SCLT1: variants seen among roughly 807,000 people sequenced by gnomAD.
SCLT1 encodes the protein sodium channel-associated protein 1.
A neutral mutation model predicts 112.8 loss-of-function variants in SCLT1; 78 were observed. The ratio of observed to expected loss-of-function variants is 0.69; its 90% CI spans 0.58 to 0.83. SCLT1 has a LOEUF of 0.83. Ranked by LOEUF, SCLT1 falls within the 40% of genes least tolerant of loss-of-function variation. SCLT1 has a pLI of 0.00. For missense variants in SCLT1, 747 were observed against 770.4 expected, an observed-to-expected ratio of 0.97 and a Z score of 0.36; for synonymous variants, 257 against 254.7, an observed-to-expected ratio of 1.01 and a Z score of -0.09.
intron 9 of SCLT1, among the ~76,000 whole-genome samples, chr4:128,980,493 A>C (rs2126050302): frequency 1.3e-5 from 2 of 152,340 alleles, no homozygotes; most frequent in Middle Eastern, 6.8e-3. Context: ...AATACTAAGA[A>C]TTGCATTCCT....
chr4:128,948,763 C>G (rs1166150058), intron 14 of SCLT1, among the ~76,000 whole-genome samples, 193 bp from the exon 15 acceptor site: 1 of 152,160 alleles, frequency 6.6e-6, no homozygotes, highest in African/African-American at 2.4e-5. Flanking sequence ...TTGCCTCCAG[C>G]AGTAGGATGC....
At chr4:128,883,157 C>CAAAA (rs34993678), downstream of SCLT1, among the ~76,000 whole-genome samples, 1,398 of 56,854 alleles carry the variant, frequency 0.025, 1 homozygote, top group Non-Finnish European at 0.031. Context: ...ACAACAACAA[C>CAAAA]AAAAAAAAAA....
At chr4:129,012,761 C>A (rs764822958) in intron 5 of SCLT1, among the ~76,000 whole-genome samples, 1 of 147,696 alleles carries the variant, frequency 6.8e-6, no homozygotes, top group Admixed American at 6.9e-5. Flanking sequence ...TGAATTGAAC[C>A]TTTTACCATT....
chr4:128,989,495 T>C (rs1254684715), intron 9 of SCLT1, among the ~76,000 whole-genome samples: 6 of 151,734 alleles, frequency 4.0e-5, no homozygotes, highest in Non-Finnish European at 7.4e-5. Context: ...GTGAAGTTTA[T>C]AGCAATAGAT....
chr4:129,070,189 T>C (rs1013816673), intron 2 of SCLT1, among the ~76,000 whole-genome samples: 10 of 152,188 alleles, frequency 6.6e-5, no homozygotes, highest in African/African-American at 2.4e-4. Context: ...AGTATCTATG[T>C]TTATCAAGGA....
At chr4:128,898,164 C>T (rs1392521581) in intron 18 of SCLT1, among the ~76,000 whole-genome samples, 7 of 151,842 alleles carry the variant, frequency 4.6e-5, no homozygotes, top group African/African-American at 1.7e-4. Context: ...AGCTCCATAC[C>T]AAGCAGACCT....
intron 14 of SCLT1, among the ~76,000 whole-genome samples, chr4:128,949,758 T>C (rs1738540128): frequency 6.6e-6 from 1 of 152,142 alleles, no homozygotes; most frequent in South Asian, 2.1e-4. Context: ...ATGTGCCACA[T>C]TTTGTTAATC....
At chr4:128,999,896 T>C in intron 6 of SCLT1, 102 bp from the exon 7 acceptor site, 2 of 647,966 alleles carry the variant, frequency 3.1e-6, no homozygotes, top group Middle Eastern at 3.4e-4. Context: ...TATAAAGTCA[T>C]AAAATAAAAT....
In SCLT1 at chr4:129,023,988, G is replaced by A. The variant is rs573877730; in HGVS notation, c.290+15053C>T. ...GCAAGGCGGCAGCGAGGCTGGGGGA[G>A]GGGCGCCCGCCATTGCCCAGGCTTG... is the stretch of plus-strand genomic sequence containing the variant. On this transcript the variant is annotated intron_variant, in intron 5 of 20. Transcript: ENST00000281142. Among the ~76,000 whole-genome samples, 1,250 of 152,342 alleles carry A rather than the reference G, an allele frequency of 8.2e-3. 6 individuals carry two copies. Among genetic ancestry groups the A allele is most frequent in the Non-Finnish European group, 0.014 (977 of 68,022 alleles).
intron 4 of SCLT1, 84 bp downstream of exon 4, chr4:129,043,311 T>A: frequency 1.4e-6 from 1 of 736,150 alleles, no homozygotes; most frequent in Non-Finnish European, 2.3e-6. Context: ...TTCTCATCAA[T>A]GTCTTTTTAA....
chr4:129,089,559 C>G (rs1752661895), intron 1 of SCLT1, among the ~76,000 whole-genome samples: 1 of 152,162 alleles, frequency 6.6e-6, no homozygotes, highest in African/African-American at 2.4e-5. Flanking sequence ...AAGACACATG[C>G]ACATGTATGT....
At chr4:129,049,626 TAAA>T (rs56961720) in intron 2 of SCLT1, among the ~76,000 whole-genome samples, 1 of 135,716 alleles carries the variant, frequency 7.4e-6, no homozygotes, top group African/African-American at 2.7e-5. Context: ...ACTTAAAGTA[TAAA>T]AAAAAAAAAA....
intron 3 of SCLT1, among the ~76,000 whole-genome samples, chr4:128,877,802 C>T (rs988788166): frequency 6.6e-6 from 1 of 152,098 alleles, no homozygotes; most frequent in African/African-American, 2.4e-5. Context: ...CATGTTAATG[C>T]ACTGGTTAAA....
intron 1 of SCLT1, among the ~76,000 whole-genome samples, chr4:129,084,335 T>C (rs1282044924): frequency 6.6e-6 from 1 of 152,138 alleles, no homozygotes; most frequent in Non-Finnish European, 1.5e-5. Context: ...ATTAACAAAG[T>C]TGTTGGATAC....
chr4:128,903,425 T>C (rs1424409006), intron 18 of SCLT1, among the ~76,000 whole-genome samples: 1 of 152,206 alleles, frequency 6.6e-6, no homozygotes, highest in African/African-American at 2.4e-5. Context: ...GCTAAATTTC[T>C]AATTTTCTAA....
intron 18 of SCLT1, among the ~76,000 whole-genome samples, chr4:128,920,351 G>A (rs1470718764): frequency 1.3e-5 from 2 of 152,172 alleles, no homozygotes; most frequent in Non-Finnish European, 2.9e-5. Flanking sequence ...GAGTGTAGTG[G>A]CACAATATCG....
At chr4:129,026,479 A>C (rs2126133966) in intron 5 of SCLT1, among the ~76,000 whole-genome samples, 1 of 152,270 alleles carries the variant, frequency 6.6e-6, no homozygotes, top group South Asian at 2.1e-4. Flanking sequence ...GAAGGCAGAA[A>C]TAAAGATGTT....
chr4:129,029,540 G>C (rs558985224), intron 5 of SCLT1, among the ~76,000 whole-genome samples: 1 of 148,300 alleles, frequency 6.7e-6, no homozygotes, highest in Admixed American at 6.8e-5. Flanking sequence ...GGTGGAGGGA[G>C]GGGGGAGGGA....
chr4:128,977,724 C>T (rs772655465), intron 9 of SCLT1, among the ~76,000 whole-genome samples: 5 of 151,870 alleles, frequency 3.3e-5, no homozygotes, highest in Non-Finnish European at 5.9e-5. Flanking sequence ...TAAGACGGAA[C>T]GTATCACAGA....
Sources: gnomAD v4.1 joint callset for allele counts (sites outside exome capture counted in the v4.1 genomes callset) on GRCh38, gnomAD v4.1.1 for gene constraint, MANE v1.5 for transcripts, NCBI Gene and HGNC (gene_info 2026-07-23, HGNC 2026-07-21) for gene names.